MALRD1: variants seen among roughly 807,000 people sequenced by gnomAD.
MALRD1 encodes MAM and LDL receptor class A domain containing 1, also known as MAM and LDL-receptor class A domain-containing protein 1.
MALRD1 carries 247 observed loss-of-function variants against 242.1 expected under a neutral mutation model. The ratio of observed to expected loss-of-function variants is 1.02; its 90% confidence interval spans 0.92 to 1.13. The LOEUF (loss-of-function observed/expected upper bound fraction) is 1.13, where lower values mean the gene tolerates loss of function less well. Ranked by LOEUF, MALRD1 falls within the 50% of genes most tolerant of loss-of-function variation. MALRD1 has a pLI of 0.00. For synonymous variants in MALRD1, 995 were observed against 866.6 expected, an observed-to-expected ratio of 1.15 and a Z score of -2.60; for missense variants, 2,989 against 2,533.1, an observed-to-expected ratio of 1.18 and a Z score of -3.86.
chr10:19,161,863 A>G (rs1339933598), intron 12 of MALRD1, among the ~76,000 whole-genome samples: 1 of 152,118 alleles, frequency 6.6e-6, no homozygotes, highest in Non-Finnish European at 1.5e-5. Flanking sequence ...CCCCATTGCT[A>G]CTAAAAATAC....
intron 26 of MALRD1, among the ~76,000 whole-genome samples, chr10:19,384,088 T>G (rs543859230): frequency 6.6e-6 from 1 of 151,486 alleles, no homozygotes; most frequent in East Asian, 1.9e-4. Flanking sequence ...GAGATGATAT[T>G]GTGGTTTGCA....
Position 19,280,133 on chromosome 10 carries a change from A to G in MALRD1, c.3166A>G (p.Ile1056Val), listed in dbSNP as rs1213641758. Residue 1056 changes from isoleucine (I) to valine (V), a missense_variant, in exon 20 of 40, where the codon ATC becomes GTC. Transcript: ENST00000454679. The part of the protein sequence containing the change: ...PPHNCTDNEF[I>V]CRSDGHCIEK... ...ACACAACTGCACAGACAATGAATTT[A>G]TCTGCAGGTCTGATGGTCACTGCAT... is the stretch of plus-strand genomic sequence containing the variant. 1 of 1,546,128 alleles carries G rather than the reference A, an allele frequency of 6.5e-7. No individual in the cohort carries two copies. Among genetic ancestry groups the G allele is most frequent in the East Asian group, 2.5e-5 (1 of 40,628 alleles).
At chr10:19,658,553 A>G (rs1474130103) in intron 36 of MALRD1, among the ~76,000 whole-genome samples, 1 of 152,116 alleles carries the variant, frequency 6.6e-6, no homozygotes, top group Non-Finnish European at 1.5e-5. Context: ...AGAGATCTTT[A>G]TATTAAGTAA....
chr10:19,498,696 C>T, intron 31 of MALRD1, 50 bp downstream of exon 31: 1 of 1,512,442 alleles, frequency 6.6e-7, no homozygotes. Context: ...ATCTTAAAGT[C>T]TGCTTTAACA....
intron 28 of MALRD1, among the ~76,000 whole-genome samples, chr10:19,425,985 C>G (rs933587246): frequency 1.8e-4 from 28 of 152,000 alleles, no homozygotes; most frequent in Admixed American, 1.8e-3. Context: ...CATCTCTCTC[C>G]CAAAACATTT....
intron 36 of MALRD1, among the ~76,000 whole-genome samples, chr10:19,662,686 C>T (rs760297291): frequency 1.6e-4 from 25 of 152,076 alleles, no homozygotes; most frequent in Non-Finnish European, 3.5e-4. Context: ...GTTTTTGCAC[C>T]ATTTTGTGCA....
chr10:19,705,200 A>T (rs1833808374), intron 38 of MALRD1, among the ~76,000 whole-genome samples: 1 of 152,164 alleles, frequency 6.6e-6, no homozygotes, highest in Non-Finnish European at 1.5e-5. Flanking sequence ...CTGCTATCCA[A>T]GCCTGACATC....
intron 28 of MALRD1, among the ~76,000 whole-genome samples, chr10:19,407,867 C>T (rs538713706): frequency 2.0e-5 from 3 of 152,224 alleles, no homozygotes; most frequent in East Asian, 1.9e-4. Context: ...AGAAGAAATG[C>T]TTATCTGTGT....
intron 18 of MALRD1, among the ~76,000 whole-genome samples, chr10:19,240,406 ATATAAG>A (rs940207685): frequency 4.4e-4 from 67 of 152,084 alleles, no homozygotes; most frequent in Middle Eastern, 3.2e-3. Flanking sequence ...TTCTCACTCT[ATATAAG>A]TATATCTAGA....
At chr10:19,292,456 A>G (rs1841486997) in intron 21 of MALRD1, among the ~76,000 whole-genome samples, 1 of 152,114 alleles carries the variant, frequency 6.6e-6, no homozygotes, top group Non-Finnish European at 1.5e-5. Flanking sequence ...TGAAAAGTAG[A>G]AGTACCCAGA....
intron 28 of MALRD1, among the ~76,000 whole-genome samples, chr10:19,424,079 A>G (rs1833815651): frequency 6.6e-6 from 1 of 152,204 alleles, no homozygotes; most frequent in African/African-American, 2.4e-5. Context: ...TAATGAAAAA[A>G]ATTGAGCCAA....
intron 13 of MALRD1, among the ~76,000 whole-genome samples, chr10:19,167,190 T>A (rs1158534658): frequency 1.3e-5 from 2 of 151,742 alleles, no homozygotes; most frequent in Non-Finnish European, 2.9e-5. Context: ...AAACCCCACC[T>A]CTACAAAAAA....
chr10:19,449,607 T>C (rs1450291008), intron 28 of MALRD1, among the ~76,000 whole-genome samples: 3 of 152,100 alleles, frequency 2.0e-5, no homozygotes, highest in Non-Finnish European at 4.4e-5. Context: ...TCTCTAAAAA[T>C]TTTTTTGAGG....
At chr10:19,227,348 C>A (rs922339813) in intron 18 of MALRD1, among the ~76,000 whole-genome samples, 14 of 151,936 alleles carry the variant, frequency 9.2e-5, no homozygotes, top group African/African-American at 3.4e-4. Context: ...CCTTACATGG[C>A]CAAAGTTGCC....
intron 28 of MALRD1, among the ~76,000 whole-genome samples, chr10:19,446,964 G>A (rs1027200651): frequency 2.0e-5 from 3 of 151,812 alleles, no homozygotes; most frequent in African/African-American, 4.8e-5. Flanking sequence ...AAGTAAATAG[G>A]TGAAGTAACG....
chr10:19,243,868 A>G (rs1051174569), intron 18 of MALRD1, among the ~76,000 whole-genome samples: 3 of 152,178 alleles, frequency 2.0e-5, no homozygotes, highest in Non-Finnish European at 4.4e-5. Flanking sequence ...GTGTTTCCAG[A>G]AGGCTTAATA....
chr10:19,575,720 A>G (rs992608562), intron 33 of MALRD1, among the ~76,000 whole-genome samples: 1 of 152,120 alleles, frequency 6.6e-6, no homozygotes, highest in Admixed American at 6.6e-5. Flanking sequence ...GTTATTGTCC[A>G]CTGCTCCATA....
In MALRD1 at chr10:19,159,691, T is replaced by C. The variant is rs573002345; in HGVS notation, c.1656+4519T>C. On this transcript the variant is annotated intron_variant, in intron 12 of 39. Transcript: ENST00000454679. ...AAATAAGGAAGAATTCATTTTGAAC[T>C]TCTGAATCATGACCTTGGGTGTCCC... Among the ~76,000 whole-genome samples the C allele has an allele frequency of 1.4e-4, 21 of 152,090 alleles. No homozygotes were observed. The East Asian group carries it at 3.9e-3, about 28-fold the overall frequency.
intron 1 of MALRD1, among the ~76,000 whole-genome samples, chr10:19,060,140 G>T (rs2131223047): frequency 6.6e-6 from 1 of 152,186 alleles, no homozygotes; most frequent in Admixed American, 6.5e-5. Flanking sequence ...ATAGTGTCTG[G>T]GCTCTCTTTT....
Sources: allele counts gnomAD v4.1 joint callset (sites outside exome capture counted in the v4.1 genomes callset), GRCh38; gene constraint gnomAD v4.1.1; transcripts MANE v1.5; gene names NCBI Gene and HGNC (gene_info 2026-07-23, HGNC 2026-07-21).